DIS3L2: variants seen among roughly 807,000 people sequenced by gnomAD.
DIS3L2 encodes the protein DIS3 like 3'-5' exoribonuclease 2.
Under a neutral mutation model 97.5 loss-of-function variants are expected in DIS3L2, and 34 were observed. That is an observed-to-expected ratio of 0.35 (90% CI 0.27 to 0.46). The LOEUF (loss-of-function observed/expected upper bound fraction) is 0.46. Among genes scored for constraint, DIS3L2 ranks in the 20% least tolerant of loss-of-function variants. The pLI is 1.00. For missense variants in DIS3L2, 1,038 were observed against 1,146.0 expected, an observed-to-expected ratio of 0.91 and a Z score of 1.36; for synonymous variants, 435 against 445.2, an observed-to-expected ratio of 0.98 and a Z score of 0.29.
At chr2:232,138,365 A>T (rs955525378) in intron 8 of DIS3L2, among the ~76,000 whole-genome samples, 6 of 152,202 alleles carry the variant, frequency 3.9e-5, no homozygotes, top group Admixed American at 3.3e-4. Context: ...AAAAATGAAG[A>T]TAATCATATT....
chr2:232,102,277 C>G (rs775738763), intron 6 of DIS3L2, among the ~76,000 whole-genome samples: 11 of 152,078 alleles, frequency 7.2e-5, no homozygotes, highest in Non-Finnish European at 1.2e-4. Context: ...GGGAGTTGTT[C>G]TAGTGAAACA....
rs988486034 is a variant in DIS3L2 at position 232,336,354 on chromosome 2, A to G, written c.2497-115A>G. 7 of 1,547,726 alleles carry G rather than the reference A, an allele frequency of 4.5e-6. No individual in the cohort carries two copies. The African/African-American group carries it at 9.6e-5, about 21-fold the overall frequency. On this transcript the variant is annotated intron_variant, in intron 20 of 20. Transcript: ENST00000325385. ...GCCCCCATTACAGACAGGCGAGCAG[A>G]GGCTTCCAGAGGCCGAAGGAGGGGC...
At chr2:232,320,316 C>T (rs536683740) in intron 14 of DIS3L2, among the ~76,000 whole-genome samples, 6 of 152,180 alleles carry the variant, frequency 3.9e-5, no homozygotes, top group Non-Finnish European at 7.4e-5. Flanking sequence ...GGTGATAAGA[C>T]GAGCGTTAGT....
chr2:232,014,998 A>G lies in DIS3L2; in HGVS notation c.52+19A>G. On this transcript the variant is annotated intron_variant, in intron 2 of 20. Coordinates refer to ENST00000325385, the MANE Select transcript of DIS3L2 (RefSeq NM_152383.5). ...CCCAGAGGTAGTAAAAGGAAAATGG[A>G]GTCTGCCTGAATAACTGGAGAACTG... is the stretch of plus-strand genomic sequence containing the variant. 1 of 1,613,516 alleles carries G rather than the reference A, an allele frequency of 6.2e-7. No individual in the cohort carries two copies. The highest frequency in any genetic ancestry group is 8.5e-7 in the Non-Finnish European group (1 of 1,179,650).
At position 232,269,950 on chromosome 2, in the gene DIS3L2, A is replaced by G. The variant is rs1693940843; in HGVS notation, c.1659+6510A>G. On this transcript the variant is annotated intron_variant, in intron 13 of 20. Coordinates refer to ENST00000325385, the MANE Select transcript of DIS3L2 (RefSeq NM_152383.5). The surrounding 1 kb of genome is among the most constrained non-coding windows in gnomAD (Gnocchi z 4.5). The stretch of plus-strand genomic sequence containing the variant: ...AAATGATGAGGGCCTAACCTGAGGT[A>G]GGGACCGTGGGGTGAGAGAAGATGA... Among the ~76,000 whole-genome samples the G allele has an allele frequency of 6.6e-6, 1 of 152,330 alleles. No homozygotes were observed. The highest frequency in any genetic ancestry group is 2.1e-4 in the South Asian group (1 of 4,828).
At chr2:232,106,525 G>T (rs1008760718) in intron 6 of DIS3L2, among the ~76,000 whole-genome samples, 1 of 152,146 alleles carries the variant, frequency 6.6e-6, no homozygotes, top group African/African-American at 2.4e-5. Flanking sequence ...TTACATAATG[G>T]TAAAGGGTTC....
downstream of DIS3L2, among the ~76,000 whole-genome samples, chr2:232,337,609 C>G (rs1696004988): frequency 6.6e-6 from 1 of 152,094 alleles, no homozygotes; most frequent in South Asian, 2.1e-4. Context: ...ACTCCTTCCC[C>G]CTCCGTGGGG....
rs1491319157 is a variant in DIS3L2 at position 232,270,860 on chromosome 2, G to GTCCCTCTCTC, written c.1659+7422_1659+7423insCCTCTCTCTC. 3.4e-3 allele frequency among the ~76,000 whole-genome samples: 358 copies of GTCCCTCTCTC among 103,858 alleles called. 24 individuals are homozygous for GTCCCTCTCTC. The highest frequency in any genetic ancestry group is 0.034 in the East Asian group (90 of 2,624). The allele number at this position is 103,858 out of a possible 152,430, so 68.1% of individuals were successfully genotyped here. A position where few individuals can be genotyped will look rare whatever the true frequency, so the allele number is the denominator to read the frequency against. ...CGCACTCGCGCGCTCTCTTTTTCTC[G>GTCCCTCTCTC]TCTCTCTCTCTCTCTCTCTCTCTCT... On this transcript the variant is annotated intron_variant, in intron 13 of 20. Coordinates refer to ENST00000325385, the MANE Select transcript of DIS3L2 (RefSeq NM_152383.5).
intron 14 of DIS3L2, among the ~76,000 whole-genome samples, chr2:232,304,205 A>T (rs1694932273): frequency 6.6e-6 from 1 of 151,986 alleles, no homozygotes; most frequent in African/African-American, 2.4e-5. Flanking sequence ...CCTGTCTTTA[A>T]CACTAAATCC....
At chr2:232,272,082 C>T (rs1301633488) in intron 13 of DIS3L2, among the ~76,000 whole-genome samples, 1 of 152,154 alleles carries the variant, frequency 6.6e-6, no homozygotes, top group Non-Finnish European at 1.5e-5. Flanking sequence ...TTGAGTGGCT[C>T]ATTATTATAA....
At chr2:232,304,056 C>T (rs572407222) in intron 14 of DIS3L2, among the ~76,000 whole-genome samples, 1 of 152,238 alleles carries the variant, frequency 6.6e-6, no homozygotes, top group Admixed American at 6.5e-5. Flanking sequence ...GCTCTCCACC[C>T]TGAATTATTC....
chr2:231,963,049 G>C (rs1692615414), intron 1 of DIS3L2, among the ~76,000 whole-genome samples: 1 of 152,036 alleles, frequency 6.6e-6, no homozygotes, highest in African/African-American at 2.4e-5. Context: ...ACATACAACT[G>C]CATATGTCTT....
At chr2:232,122,291 C>G (rs1177133840) in intron 6 of DIS3L2, among the ~76,000 whole-genome samples, 1 of 152,204 alleles carries the variant, frequency 6.6e-6, no homozygotes, top group African/African-American at 2.4e-5. Context: ...ATTTAATCCT[C>G]CCATTAACTC....
rs545258915 is a variant in DIS3L2 at position 232,021,787 on chromosome 2, G to T, written c.211-2490G>T. Among the ~76,000 whole-genome samples, 3 of 152,234 alleles carry T rather than the reference G, an allele frequency of 2.0e-5. No individual in the cohort carries two copies. In the East Asian group the frequency reaches 5.8e-4, roughly 29 times the overall value. On this transcript the variant is annotated intron_variant, in intron 3 of 20. Transcript: ENST00000325385. Reference sequence around the variant, plus strand: ...AAAATACTTTTAAAGTCATGATGGGGAAGCAAAGAGACCTTCCTCCCTTGG... The same window carrying T: ...AAAATACTTTTAAAGTCATGATGGGTAAGCAAAGAGACCTTCCTCCCTTGG...
chr2:232,229,944 C>T lies in DIS3L2; in HGVS notation c.1205-8589C>T, dbSNP rs139775469. ...CTTTGGGGAGACCTAAGAAGTCATC[C>T]TATGCTACCCCCTCCTCATGGTGGG... is the stretch of plus-strand genomic sequence containing the variant. On this transcript the variant is annotated intron_variant, in intron 10 of 20. Transcript: ENST00000325385. 8.7e-3 allele frequency among the ~76,000 whole-genome samples: 1,317 copies of T among 152,210 alleles called. 23 individuals carry two copies. Among genetic ancestry groups the T allele is most frequent in the Admixed American group, 0.048 (741 of 15,290 alleles).
intron 8 of DIS3L2, among the ~76,000 whole-genome samples, chr2:232,155,520 A>G (rs1433808497): frequency 6.6e-6 from 1 of 152,148 alleles, no homozygotes; most frequent in East Asian, 1.9e-4. Flanking sequence ...CTCCACTAGA[A>G]TATATTTCAT....
At chr2:232,208,602 C>G (rs1343622125) in intron 9 of DIS3L2, among the ~76,000 whole-genome samples, 2 of 152,184 alleles carry the variant, frequency 1.3e-5, no homozygotes, top group African/African-American at 4.8e-5. Flanking sequence ...GAGAGTGGCT[C>G]TTTTCACTTA....
At chr2:231,995,079 G>C (rs975510240) in intron 1 of DIS3L2, among the ~76,000 whole-genome samples, 3 of 151,932 alleles carry the variant, frequency 2.0e-5, no homozygotes, top group African/African-American at 7.3e-5. Context: ...GTGAGCCATT[G>C]GGCCCTTTCA....
At chr2:232,230,362 G>T (rs1452239578) in intron 10 of DIS3L2, among the ~76,000 whole-genome samples, 1 of 152,194 alleles carries the variant, frequency 6.6e-6, no homozygotes, top group Admixed American at 6.5e-5. Context: ...GCCCCTCATC[G>T]CTGGTGCCGT....
Sources: gnomAD v4.1 joint callset for allele counts (sites outside exome capture counted in the v4.1 genomes callset) on GRCh38, gnomAD v4.1.1 for gene constraint, Gnocchi (gnomAD v3.1) non-coding constraint, MANE v1.5 for transcripts, NCBI Gene and HGNC (gene_info 2026-07-23, HGNC 2026-07-21) for gene names.